The following KIFAP3 variants were observed in gnomAD, a reference collection of about 807,000 sequenced individuals.
KIFAP3 encodes the protein kinesin associated protein 3.
A neutral mutation model predicts 106.5 loss-of-function variants in KIFAP3; 68 were observed. The ratio of observed to expected loss-of-function variants is 0.64; its 90% CI spans 0.53 to 0.78. The LOEUF is 0.78. Ranked by LOEUF, KIFAP3 falls within the 30% of genes least tolerant of loss-of-function variation. The pLI is 0.00. For synonymous variants in KIFAP3, 320 were observed against 311.5 expected, an observed-to-expected ratio of 1.03 and a Z score of -0.29; for missense variants, 780 against 941.8, an observed-to-expected ratio of 0.83 and a Z score of 2.25.
At chr1:169,990,600 A>C (rs930684959) in intron 11 of KIFAP3, among the ~76,000 whole-genome samples, 23 of 152,166 alleles carry the variant, frequency 1.5e-4, no homozygotes, top group Non-Finnish European at 2.5e-4. Context: ...ATCATAATTC[A>C]AATTAGTGGA....
intron 19 of KIFAP3, among the ~76,000 whole-genome samples, chr1:169,935,486 T>C (rs1663741046): frequency 6.6e-6 from 1 of 151,998 alleles, no homozygotes; most frequent in East Asian, 1.9e-4. Context: ...TAGATATAGT[T>C]TCTTCTAAAG....
chr1:170,008,736 G>T (rs1167098039), intron 10 of KIFAP3, among the ~76,000 whole-genome samples: 1 of 152,184 alleles, frequency 6.6e-6, no homozygotes, highest in East Asian at 1.9e-4. Context: ...TCCAGAACCA[G>T]AAATAGCATT....
intron 1 of KIFAP3, among the ~76,000 whole-genome samples, chr1:170,082,389 A>G (rs544216292): frequency 2.0e-5 from 3 of 152,352 alleles, no homozygotes; most frequent in Non-Finnish European, 2.9e-5. Flanking sequence ...ATCTATTATG[A>G]CAGAAAGTAG....
intron 19 of KIFAP3, among the ~76,000 whole-genome samples, chr1:169,927,644 C>G (rs539938595): frequency 1.3e-5 from 2 of 152,278 alleles, no homozygotes; most frequent in African/African-American, 4.8e-5. Flanking sequence ...TCAAAAATTA[C>G]ATGAATTCAT....
At chr1:169,940,909 TTA>T (rs1664068103) in intron 19 of KIFAP3, among the ~76,000 whole-genome samples, 2 of 113,346 alleles carry the variant, frequency 1.8e-5, no homozygotes, top group Admixed American at 9.8e-5. Context: ...TGTTTAAGAA[TTA>T]TGTGTGTGTG....
chr1:169,932,800 C>G (rs1663567634), intron 19 of KIFAP3, among the ~76,000 whole-genome samples: 2 of 150,414 alleles, frequency 1.3e-5, no homozygotes, highest in South Asian at 4.2e-4. Context: ...AGTTTAGAAA[C>G]TTTTCACTTT....
intron 19 of KIFAP3, among the ~76,000 whole-genome samples, chr1:169,940,033 A>G (rs1422329686): frequency 6.6e-6 from 1 of 152,214 alleles, no homozygotes; most frequent in Non-Finnish European, 1.5e-5. Flanking sequence ...GACAGGAATG[A>G]TCCAGTAAAG....
intron 18 of KIFAP3, among the ~76,000 whole-genome samples, chr1:169,954,622 T>C (rs1664910019): frequency 6.6e-6 from 1 of 152,166 alleles, no homozygotes; most frequent in Non-Finnish European, 1.5e-5. Context: ...AAGCAATATT[T>C]GACAGTTTAA....
At chr1:170,066,102 T>C (rs1331104737) in intron 1 of KIFAP3, among the ~76,000 whole-genome samples, 1 of 151,810 alleles carries the variant, frequency 6.6e-6, no homozygotes, top group African/African-American at 2.4e-5. Flanking sequence ...ATGTTTTAGT[T>C]ACCTTTTTTT....
chr1:169,940,248 A>C (rs1416960503), intron 19 of KIFAP3, among the ~76,000 whole-genome samples: 1 of 152,228 alleles, frequency 6.6e-6, no homozygotes. Context: ...TTTCTTAATA[A>C]TAGTGTCTCC....
intron 18 of KIFAP3, among the ~76,000 whole-genome samples, chr1:169,954,534 T>C (rs1043926316): frequency 3.7e-4 from 57 of 152,332 alleles, no homozygotes; most frequent in African/African-American, 1.3e-3. Context: ...GGTAATACTT[T>C]ATTGTATTTC....
At chr1:169,952,070 A>G (rs1433872523) in intron 19 of KIFAP3, among the ~76,000 whole-genome samples, 2 of 152,018 alleles carry the variant, frequency 1.3e-5, no homozygotes, top group Non-Finnish European at 2.9e-5. Flanking sequence ...CAGAAGCATC[A>G]GAAGTAATCA....
At chr1:169,977,943 A>G in intron 16 of KIFAP3, 142 bp downstream of exon 16, 1 of 642,704 alleles carries the variant, frequency 1.6e-6, no homozygotes, top group Non-Finnish European at 2.7e-6. Flanking sequence ...CTTCCATGGA[A>G]AATAGGTTAT....
intron 1 of KIFAP3, among the ~76,000 whole-genome samples, chr1:170,061,655 A>G (rs1571755461): frequency 6.6e-6 from 1 of 152,190 alleles, no homozygotes; most frequent in South Asian, 2.1e-4. Flanking sequence ...CAGCCATCCC[A>G]TTACTGGGTA....
intron 17 of KIFAP3, among the ~76,000 whole-genome samples, chr1:169,966,884 G>A (rs1665661148): frequency 6.6e-6 from 1 of 151,702 alleles, no homozygotes; most frequent in Admixed American, 6.6e-5. Flanking sequence ...TATGCCATAA[G>A]GAACACAATA....
At chr1:170,037,385 T>C (rs1473358261) in intron 5 of KIFAP3, among the ~76,000 whole-genome samples, 1 of 152,160 alleles carries the variant, frequency 6.6e-6, no homozygotes, top group Non-Finnish European at 1.5e-5. Context: ...AAATACATCT[T>C]TCCTATTTTG....
chr1:170,025,329 C>T (rs1669047359), intron 8 of KIFAP3, among the ~76,000 whole-genome samples: 1 of 152,034 alleles, frequency 6.6e-6, no homozygotes. Flanking sequence ...TGACAGTGAG[C>T]TTCAGAGTTC....
chr1:170,006,818 G>C (rs1481289093), intron 10 of KIFAP3, among the ~76,000 whole-genome samples: 1 of 152,142 alleles, frequency 6.6e-6, no homozygotes, highest in Non-Finnish European at 1.5e-5. Flanking sequence ...ACAAAATCAG[G>C]GAGGAGGCTG....
chr1:169,988,226 C>T (rs1666934200), intron 11 of KIFAP3, among the ~76,000 whole-genome samples: 3 of 151,918 alleles, frequency 2.0e-5, no homozygotes, highest in Admixed American at 1.3e-4. Context: ...CTATAAAACA[C>T]ATATGTGATA....
Sources: gnomAD v4.1 joint callset for allele counts (sites outside exome capture counted in the v4.1 genomes callset) on GRCh38, gnomAD v4.1.1 for gene constraint, MANE v1.5 for transcripts, NCBI Gene and HGNC (gene_info 2026-07-23, HGNC 2026-07-21) for gene names.